CSMD2: variants seen among roughly 807,000 people sequenced by gnomAD.
The protein encoded by CSMD2 is CUB and sushi domain-containing protein 2.
Under a neutral mutation model 398.5 loss-of-function variants are expected in CSMD2, and 130 were observed. The observed-to-expected ratio is 0.33, with a 90% CI of 0.28 to 0.38. The LOEUF (loss-of-function observed/expected upper bound fraction) is 0.38, where lower values mean the gene tolerates loss of function less well. Among genes scored for constraint, CSMD2 ranks in the 10% least tolerant of loss-of-function variants. The pLI, the probability that CSMD2 is intolerant of heterozygous loss-of-function variation, is 1.00. For synonymous variants in CSMD2, 1,828 were observed against 1,908.5 expected (o/e 0.96, Z 1.10); for missense variants, 3,829 against 4,764.9 (o/e 0.80, Z 5.78).
chr1:33,945,851 T>C lies in CSMD2; in HGVS notation c.518-9897A>G, dbSNP rs1482488773. On this transcript the variant is annotated intron_variant, in intron 3 of 70. Transcript: ENST00000373381. ...ACCCTAGCCCAGGGATGATCAAATA[T>C]ATCTAGACAGAAAAACACATGGAAA... Among the ~76,000 whole-genome samples, 6 of 152,118 alleles carry C rather than the reference T, an allele frequency of 3.9e-5. No homozygotes were observed. In the East Asian group the frequency reaches 7.7e-4, roughly 20 times the overall value.
intron 13 of CSMD2, among the ~76,000 whole-genome samples, chr1:33,759,324 C>CTTTTT (rs756784492): frequency 9.6e-5 from 12 of 124,776 alleles, no homozygotes; most frequent in Middle Eastern, 3.9e-3. Flanking sequence ...CTTTTTTTTT[C>CTTTTT]TTTTTTTTTT....
intron 22 of CSMD2, 59 bp from the exon 23 acceptor site, chr1:33,700,732 A>G: frequency 6.4e-7 from 1 of 1,553,960 alleles, no homozygotes; most frequent in Non-Finnish European, 8.8e-7. Flanking sequence ...GTTGAACAAC[A>G]CCTCCTTACC....
intron 14 of CSMD2, among the ~76,000 whole-genome samples, chr1:33,740,839 A>G (rs1311992854): frequency 6.6e-6 from 1 of 152,150 alleles, no homozygotes; most frequent in Non-Finnish European, 1.5e-5. Context: ...GCGCGCGTGC[A>G]TGCGCACACA....
At chr1:33,586,969 TTCTC>T (rs926421273) in intron 45 of CSMD2, 115 bp downstream of exon 45, 17 of 729,138 alleles carry the variant, frequency 2.3e-5, no homozygotes, top group African/African-American at 2.3e-4. Flanking sequence ...GGCCTACTGT[TTCTC>T]TCTCCACAGA....
chr1:33,820,414 C>T, intron 8 of CSMD2, 55 bp downstream of exon 8: 1 of 1,235,384 alleles, frequency 8.1e-7, no homozygotes, highest in Non-Finnish European at 1.2e-6. Flanking sequence ...TGTCTTCCTC[C>T]CAGCCAGGCC....
Position 33,633,640 on chromosome 1 carries a change from G to T in CSMD2, c.5087-105C>A, listed in dbSNP as rs1246388051. Reference sequence around the variant, plus strand: ...CCAGGAGGAGGGCAGCCCTGGGGAAGTTGTTGGTTCCTGGGCTGTGGCTTG... The same window carrying T: ...CCAGGAGGAGGGCAGCCCTGGGGAATTTGTTGGTTCCTGGGCTGTGGCTTG... On this transcript the variant is annotated intron_variant, in intron 31 of 70. Transcript: ENST00000373381. The surrounding 1 kb of genome is among the most constrained non-coding windows in gnomAD (Gnocchi z 5.0). 3 of 809,756 alleles carry T rather than the reference G, an allele frequency of 3.7e-6. No individual in the cohort carries two copies. The highest frequency in any genetic ancestry group is 4.1e-6 in the Non-Finnish European group (2 of 486,390). 50.2% of individuals were successfully genotyped at this position (809,756 alleles called of 1,614,324 possible).
At chr1:33,547,065 G>A (rs1461080996) in intron 56 of CSMD2, among the ~76,000 whole-genome samples, 4 of 152,104 alleles carry the variant, frequency 2.6e-5, no homozygotes, top group Non-Finnish European at 5.9e-5. Flanking sequence ...TTTCATTAAG[G>A]ATTCCCTACT....
chr1:33,612,704 C>G (rs1641093286), intron 40 of CSMD2, among the ~76,000 whole-genome samples: 1 of 138,568 alleles, frequency 7.2e-6, no homozygotes, highest in Non-Finnish European at 1.5e-5. Flanking sequence ...TTTTTTGAGA[C>G]AGAGTCTTGT....
chr1:33,765,531 A>G (rs1650378026), intron 13 of CSMD2, among the ~76,000 whole-genome samples: 2 of 152,358 alleles, frequency 1.3e-5, no homozygotes, highest in South Asian at 4.1e-4. Context: ...GGACAATATT[A>G]TACATTCATC....
chr1:33,736,958 G>C lies in CSMD2; in HGVS notation c.2368+2182C>G, dbSNP rs542290919. Among the ~76,000 whole-genome samples, 71 of 152,346 alleles carry C rather than the reference G, an allele frequency of 4.7e-4. 1 individual carries two copies. The highest frequency in any genetic ancestry group is 6.8e-3 in the Middle Eastern group (2 of 294). Reference sequence around the variant, plus strand: ...ACTAAAGAAATTAGAAGTGGTCAATGAGTGCAAGGGAAAATGAGGGGGCTG... The same window carrying C: ...ACTAAAGAAATTAGAAGTGGTCAATCAGTGCAAGGGAAAATGAGGGGGCTG... On this transcript the variant is annotated intron_variant, in intron 15 of 70. Transcript: ENST00000373381.
intron 3 of CSMD2, among the ~76,000 whole-genome samples, chr1:33,947,459 T>C (rs572742042): frequency 6.6e-6 from 1 of 152,222 alleles, no homozygotes; most frequent in South Asian, 2.1e-4. Flanking sequence ...TTTCCTCCAC[T>C]TGGCTCCCCG....
chr1:33,760,997 G>A (rs1649752388), intron 13 of CSMD2, among the ~76,000 whole-genome samples: 1 of 152,092 alleles, frequency 6.6e-6, no homozygotes, highest in Non-Finnish European at 1.5e-5. Context: ...AAGTCCAGAA[G>A]ATTCTGACAA....
intron 5 of CSMD2, among the ~76,000 whole-genome samples, chr1:33,901,189 AC>A: frequency 6.6e-6 from 1 of 152,254 alleles, no homozygotes; most frequent in East Asian, 1.9e-4. Context: ...ATAGAGGCAA[AC>A]AATGAATATT....
At chr1:34,046,828 C>T (rs928427097) in intron 2 of CSMD2, among the ~76,000 whole-genome samples, 16 of 152,148 alleles carry the variant, frequency 1.1e-4, no homozygotes, top group African/African-American at 3.4e-4. Flanking sequence ...GACTCACTCT[C>T]GAGGGATTTA....
intron 2 of CSMD2, among the ~76,000 whole-genome samples, chr1:34,079,155 A>G (rs1205625080): frequency 6.6e-6 from 1 of 152,216 alleles, no homozygotes; most frequent in African/African-American, 2.4e-5. Flanking sequence ...AGATAACATC[A>G]TACTTAATGC....
chr1:33,740,656 C>T (rs922794682), intron 14 of CSMD2, among the ~76,000 whole-genome samples: 2 of 152,144 alleles, frequency 1.3e-5, no homozygotes, highest in Non-Finnish European at 2.9e-5. Context: ...GTCTCCCAAC[C>T]TTTCTTCGTT....
Position 33,709,919 on chromosome 1 carries a change from T to G in CSMD2, c.3407-661A>C, listed in dbSNP as rs1254268631. 2.0e-5 allele frequency among the ~76,000 whole-genome samples: 3 copies of G among 152,140 alleles called. 1 individual carries two copies. Among genetic ancestry groups the G allele is most frequent in the Admixed American group, 2.0e-4 (3 of 15,276 alleles). ...GCTGAGAACTCAACCTCCTGGGTCCTGGGGAAAGTTTTTAGCATAGTCTCA... is the reference window on the plus strand; with the variant it reads ...GCTGAGAACTCAACCTCCTGGGTCCGGGGGAAAGTTTTTAGCATAGTCTCA... On this transcript the variant is annotated intron_variant, in intron 21 of 70. Coordinates refer to ENST00000373381, the MANE Select transcript of CSMD2 (RefSeq NM_001281956.2).
intron 2 of CSMD2, among the ~76,000 whole-genome samples, chr1:34,083,091 A>T (rs1330485565): frequency 6.6e-6 from 1 of 152,126 alleles, no homozygotes; most frequent in Non-Finnish European, 1.5e-5. Context: ...TAAAAAAAAA[A>T]AAAAAGAAAT....
At chr1:33,600,010 G>A in intron 44 of CSMD2, 3 of 618,996 alleles carry the variant, frequency 4.8e-6, no homozygotes, top group Admixed American at 3.0e-5. Context: ...GCAAGTACTT[G>A]AGCCTTCCTT....
Sources: allele counts gnomAD v4.1 joint callset (sites outside exome capture counted in the v4.1 genomes callset), GRCh38; gene constraint gnomAD v4.1.1; non-coding constraint Gnocchi (gnomAD v3.1); transcripts MANE v1.5; gene names NCBI Gene and HGNC (gene_info 2026-07-23, HGNC 2026-07-21).